Variants in ELF2 observed in about 807,000 individuals in gnomAD.
ELF2 encodes the protein ETS-related transcription factor Elf-2.
In ELF2, 11 loss-of-function variants were observed where a neutral mutation model predicts 54.8. The observed-to-expected ratio is 0.20, with a 90% CI of 0.13 to 0.33. ELF2 has a LOEUF of 0.33. ELF2 is among the 10% of genes least tolerant of loss of function. ELF2 has a pLI of 1.00. For missense variants in ELF2, 513 were observed against 703.0 expected, an observed-to-expected ratio of 0.73 and a Z score of 3.06; for synonymous variants, 203 against 245.1, an observed-to-expected ratio of 0.83 and a Z score of 1.61.
chr4:139,159,075 G>T (rs554931664), intron 1 of ELF2, among the ~76,000 whole-genome samples: 2 of 152,242 alleles, frequency 1.3e-5, no homozygotes, highest in Non-Finnish European at 2.9e-5. Flanking sequence ...GGGAAGAAAT[G>T]ACCATGGTGG....
chr4:139,108,658 A>G (rs908807212), intron 4 of ELF2, among the ~76,000 whole-genome samples: 1 of 152,150 alleles, frequency 6.6e-6, no homozygotes, highest in Non-Finnish European at 1.5e-5. Context: ...ACTAAAAAGC[A>G]CACTCAAAAT....
intron 7 of ELF2, chr4:139,067,042 G>C (rs1189474217): frequency 1.3e-5 from 2 of 152,022 alleles, no homozygotes; most frequent in Non-Finnish European, 2.9e-5. Flanking sequence ...CAGAGGCTGA[G>C]GCAGAAGGAT....
chr4:139,121,093 A>G (rs1214523389), intron 4 of ELF2, among the ~76,000 whole-genome samples: 4 of 135,088 alleles, frequency 3.0e-5, no homozygotes, highest in African/African-American at 8.6e-5. Context: ...AATATAACAC[A>G]GATTTTTTTT....
intron 4 of ELF2, among the ~76,000 whole-genome samples, chr4:139,089,783 T>G (rs1224460377): frequency 6.6e-6 from 1 of 152,230 alleles, no homozygotes; most frequent in Admixed American, 6.5e-5. Context: ...CATCACATTA[T>G]CTAATAAAGT....
intron 4 of ELF2, among the ~76,000 whole-genome samples, chr4:139,115,732 T>C (rs967208729): frequency 2.6e-5 from 4 of 152,250 alleles, no homozygotes; most frequent in African/African-American, 9.6e-5. Context: ...GATAGTCTCT[T>C]AAAAGTTTAT....
intron 1 of ELF2, among the ~76,000 whole-genome samples, chr4:139,151,398 A>G (rs929375979): frequency 1.5e-4 from 23 of 152,194 alleles, no homozygotes; most frequent in African/African-American, 5.5e-4. Context: ...GCTGAAAATC[A>G]AGAGACTGGC....
At chr4:139,068,859 T>TAC (rs764758245) in intron 6 of ELF2, among the ~76,000 whole-genome samples, 7 of 152,004 alleles carry the variant, frequency 4.6e-5, no homozygotes, top group Non-Finnish European at 8.8e-5. Flanking sequence ...TACATATATA[T>TAC]ACACACACAT....
At chr4:139,082,354 G>C (rs1731235165) in intron 4 of ELF2, among the ~76,000 whole-genome samples, 1 of 152,096 alleles carries the variant, frequency 6.6e-6, no homozygotes, top group Admixed American at 6.5e-5. Flanking sequence ...TGTAGTAATG[G>C]ACAATATATA....
At chr4:139,163,127 T>C (rs190914673) in intron 1 of ELF2, among the ~76,000 whole-genome samples, 1 of 152,120 alleles carries the variant, frequency 6.6e-6, no homozygotes, top group Non-Finnish European at 1.5e-5. Flanking sequence ...AATACTGATA[T>C]ATGATAGTTC....
chr4:139,106,535 T>C (rs1286078365), intron 4 of ELF2, among the ~76,000 whole-genome samples: 1 of 152,112 alleles, frequency 6.6e-6, no homozygotes, highest in Non-Finnish European at 1.5e-5. Flanking sequence ...TCATGACCAA[T>C]ATAAATCACA....
chr4:139,132,922 T>C (rs950606677), intron 3 of ELF2, among the ~76,000 whole-genome samples: 1 of 149,306 alleles, frequency 6.7e-6, no homozygotes, highest in Admixed American at 6.7e-5. Flanking sequence ...AGACGAAGTC[T>C]TGCTCTGTCC....
At chr4:139,084,036 C>A in intron 4 of ELF2, 2 of 1,588,618 alleles carry the variant, frequency 1.3e-6, no homozygotes, top group Non-Finnish European at 1.7e-6. Context: ...GGACACTGTA[C>A]CCCCAGCACA....
At chr4:139,141,650 G>A (rs987793340) in intron 1 of ELF2, among the ~76,000 whole-genome samples, 3 of 152,166 alleles carry the variant, frequency 2.0e-5, no homozygotes, top group Non-Finnish European at 4.4e-5. Context: ...TCACTCTATG[G>A]GTAGGGTTGT....
rs773534405 is a variant in ELF2, at chr4:139,059,226, A to G, written c.1539T>C (p.Pro513=). 1.2e-6 allele frequency: 2 copies of G among 1,613,952 alleles called. No individual in the cohort carries two copies. The highest frequency in any genetic ancestry group is 2.2e-5 in the South Asian group (2 of 91,072). Residue 513 remains proline, a synonymous_variant, in exon 10 of 10, where the codon CCT becomes CCC. Coordinates refer to ENST00000686138, the MANE Select transcript of ELF2 (RefSeq NM_001331036.3). The stretch of plus-strand genomic sequence containing the variant: ...GAGTCTGGCCAGATGCCTGCTGAGT[A>G]GGCATTGATAGTCTCATTACAGGTG... The part of the protein sequence containing the change: ...HGTPVMRLSM[P]TQQASGQTPP...
At chr4:139,162,790 G>GA (rs1374670970) in intron 1 of ELF2, among the ~76,000 whole-genome samples, 1 of 151,916 alleles carries the variant, frequency 6.6e-6, no homozygotes, top group Non-Finnish European at 1.5e-5. Context: ...ATGTTACGGA[G>GA]AATGTTTGTA....
chr4:139,091,870 G>T (rs932715496), intron 4 of ELF2, among the ~76,000 whole-genome samples: 70 of 151,088 alleles, frequency 4.6e-4, no homozygotes, highest in African/African-American at 1.7e-3. Flanking sequence ...TTTGGCAAAG[G>T]TTGTCAAGAA....
At chr4:139,172,026 G>C (rs192123744) in intron 1 of ELF2, among the ~76,000 whole-genome samples, 43 of 152,320 alleles carry the variant, frequency 2.8e-4, no homozygotes, top group African/African-American at 9.1e-4. Context: ...ATTGCTGTTA[G>C]CAATATAAGA....
At chr4:139,082,035 C>A (rs1033004132) in intron 4 of ELF2, among the ~76,000 whole-genome samples, 1 of 152,148 alleles carries the variant, frequency 6.6e-6, no homozygotes, top group African/African-American at 2.4e-5. Context: ...CAAAGACAGT[C>A]TTTTATATAC....
chr4:139,153,311 T>C (rs1334904902), intron 1 of ELF2, among the ~76,000 whole-genome samples: 2 of 152,096 alleles, frequency 1.3e-5, no homozygotes, highest in African/African-American at 4.8e-5. Flanking sequence ...GGCACACGTC[T>C]GTAGTCCCAG....
Sources: allele counts gnomAD v4.1 joint callset (sites outside exome capture counted in the v4.1 genomes callset), GRCh38; gene constraint gnomAD v4.1.1; transcripts MANE v1.5; gene names NCBI Gene and HGNC (gene_info 2026-07-23, HGNC 2026-07-21).